The following RAPGEF2 variants were observed in gnomAD, a reference collection of about 807,000 sequenced individuals.
RAPGEF2 encodes the protein Rap guanine nucleotide exchange factor 2.
RAPGEF2 carries 54 observed loss-of-function variants against 186.7 expected under a neutral mutation model. That is an observed-to-expected ratio of 0.29 (90% CI 0.23 to 0.36). RAPGEF2 has a LOEUF of 0.36. Among genes scored for constraint, RAPGEF2 ranks in the 10% least tolerant of loss-of-function variants. The pLI, the probability that RAPGEF2 is intolerant of heterozygous loss-of-function variation, is 1.00. For synonymous variants in RAPGEF2, 712 were observed against 705.9 expected (o/e 1.01, Z -0.14); for missense variants, 1,532 against 2,045.0 (o/e 0.75, Z 4.84).
At chr4:159,330,051 T>C (rs1248447122) in intron 12 of RAPGEF2, 41 bp downstream of exon 12, 1 of 1,573,248 alleles carries the variant, frequency 6.4e-7, no homozygotes, top group Non-Finnish European at 8.6e-7. Flanking sequence ...AAGGAATTTT[T>C]TTTGGTAGTA....
chr4:159,289,321 G>C (rs1216268296), intron 7 of RAPGEF2, among the ~76,000 whole-genome samples: 4 of 152,152 alleles, frequency 2.6e-5, no homozygotes, highest in African/African-American at 4.8e-5. Flanking sequence ...TCTATGATAG[G>C]AAGTTAAAAA....
intron 7 of RAPGEF2, among the ~76,000 whole-genome samples, chr4:159,297,681 G>A (rs1579823113): frequency 6.6e-6 from 1 of 152,146 alleles, no homozygotes; most frequent in East Asian, 1.9e-4. Flanking sequence ...GGTAGTTTTA[G>A]GTATGACAGT....
At chr4:159,343,627 C>G (rs930531281) in intron 22 of RAPGEF2, among the ~76,000 whole-genome samples, 2 of 152,184 alleles carry the variant, frequency 1.3e-5, no homozygotes, top group Non-Finnish European at 2.9e-5. Context: ...GTCTTTCAGA[C>G]ATTTTCAATG....
chr4:159,109,949 A>C (rs1004595392), intron 1 of RAPGEF2, among the ~76,000 whole-genome samples: 1 of 152,180 alleles, frequency 6.6e-6, no homozygotes, highest in African/African-American at 2.4e-5. Context: ...AGTTCTGTTA[A>C]AGACTGATGT....
At chr4:159,211,698 G>A (rs1192953366) in intron 4 of RAPGEF2, among the ~76,000 whole-genome samples, 1 of 152,240 alleles carries the variant, frequency 6.6e-6, no homozygotes, top group Non-Finnish European at 1.5e-5. Context: ...CAGAATGCTA[G>A]TGAAGGAGTG....
intron 8 of RAPGEF2, among the ~76,000 whole-genome samples, chr4:159,310,041 A>T: frequency 6.9e-6 from 1 of 144,846 alleles, no homozygotes; most frequent in Non-Finnish European, 1.5e-5. Context: ...AAGAAGATTT[A>T]AAGTCAGAAT....
At position 159,238,891 on chromosome 4, in the gene RAPGEF2, G is replaced by C; in HGVS notation, c.357+7G>C. On this transcript the variant is annotated splice_region_variant and intron_variant, in intron 5 of 29. Coordinates refer to ENST00000691494, the MANE Select transcript of RAPGEF2 (RefSeq NM_001394067.2). ...GCCTTCTGAAATGATTGTGGTAAGAGTATTTCTGTGAGGACTATTTTTCCC... is the reference window on the plus strand; with the variant it reads ...GCCTTCTGAAATGATTGTGGTAAGACTATTTCTGTGAGGACTATTTTTCCC... The C allele has an allele frequency of 6.8e-7, 1 of 1,481,248 alleles. No homozygotes were observed. The highest frequency in any genetic ancestry group is 8.9e-7 in the Non-Finnish European group (1 of 1,124,550). 91.8% of individuals were successfully genotyped at this position (1,481,248 alleles called of 1,614,324 possible).
At chr4:159,228,507 A>C (rs1201254987) in intron 4 of RAPGEF2, 1 of 152,100 alleles carries the variant, frequency 6.6e-6, no homozygotes, top group Non-Finnish European at 1.5e-5. Flanking sequence ...TTTATCTTGT[A>C]CTCTATTTTT....
intron 1 of RAPGEF2, among the ~76,000 whole-genome samples, chr4:159,142,714 G>GT (rs1742488198): frequency 1.3e-5 from 2 of 152,076 alleles, no homozygotes; most frequent in South Asian, 2.1e-4. Context: ...GAATGCAATG[G>GT]TTTTTTAAAA....
chr4:159,228,973 T>C (rs190415433), intron 4 of RAPGEF2, among the ~76,000 whole-genome samples: 54 of 152,330 alleles, frequency 3.5e-4, no homozygotes, highest in Middle Eastern at 6.8e-3. Flanking sequence ...TAATTGCCAC[T>C]CTGCTGTCTG....
chr4:159,104,517 A>AGAGAGAGAGAGAGAGAGG (rs1737600058), intron 1 of RAPGEF2, among the ~76,000 whole-genome samples: 3 of 130,512 alleles, frequency 2.3e-5, no homozygotes, highest in African/African-American at 3.3e-5. Context: ...AGAGAGAGAG[A>AGAGAGAGAGAGAGAGAGG]GAGAGAGAGG....
At chr4:159,131,689 G>A (rs1390111272) in intron 1 of RAPGEF2, among the ~76,000 whole-genome samples, 10 of 151,742 alleles carry the variant, frequency 6.6e-5, no homozygotes, top group Admixed American at 3.9e-4. Context: ...CTTGATTAAC[G>A]TCTTTCGCGT....
chr4:159,273,490 CT>C (rs11331422), intron 7 of RAPGEF2, among the ~76,000 whole-genome samples: 14,179 of 152,058 alleles, frequency 0.093, 753 homozygotes, highest in Admixed American at 0.16. Context: ...ATTAAAAAAT[CT>C]GTTGGAAAAT....
At chr4:159,165,761 T>G (rs550279987) in intron 1 of RAPGEF2, among the ~76,000 whole-genome samples, 1 of 152,028 alleles carries the variant, frequency 6.6e-6, no homozygotes, top group East Asian at 1.9e-4. Context: ...CCCAGCTAAT[T>G]TGTTTAGTTT....
At chr4:159,143,565 T>C (rs1000338307) in intron 1 of RAPGEF2, among the ~76,000 whole-genome samples, 7 of 152,224 alleles carry the variant, frequency 4.6e-5, no homozygotes, top group African/African-American at 1.4e-4. Flanking sequence ...CCATGTGATA[T>C]AATGTAGTTT....
intron 1 of RAPGEF2, among the ~76,000 whole-genome samples, chr4:159,131,519 A>AGTGG: frequency 2.7e-5 from 1 of 37,188 alleles, no homozygotes; most frequent in African/African-American, 1.2e-4. Context: ...ATTAATTGCT[A>AGTGG]TTTTTTTTTT....
At chr4:159,248,859 C>G (rs913747635) in intron 7 of RAPGEF2, among the ~76,000 whole-genome samples, 6 of 152,198 alleles carry the variant, frequency 3.9e-5, no homozygotes, top group African/African-American at 1.4e-4. Flanking sequence ...ACCCAAGTTT[C>G]AGCTTCTGTT....
chr4:159,180,453 A>T (rs569263485), intron 1 of RAPGEF2, among the ~76,000 whole-genome samples: 107 of 152,298 alleles, frequency 7.0e-4, no homozygotes, highest in African/African-American at 2.6e-3. Context: ...TCAAGTTTAC[A>T]TGGAGTCTAT....
rs764699338 is a variant in RAPGEF2 at position 159,350,319 on chromosome 4, T to C, written c.3865+30T>C. 23 of 1,488,646 alleles carry C rather than the reference T, an allele frequency of 1.5e-5. No individual in the cohort carries two copies. The South Asian group carries it at 2.9e-4, about 19-fold the overall frequency. 92.2% of individuals were successfully genotyped at this position (1,488,646 alleles called of 1,614,324 possible). A position where few individuals can be genotyped will look rare whatever the true frequency, so the allele number is the denominator to read the frequency against. The stretch of plus-strand genomic sequence containing the variant: ...AATTAAATTACTTTTTGTTTTCTTG[T>C]ATTGAAACCTATACATTTTGGCTAT... On this transcript the variant is annotated intron_variant, in intron 26 of 29. Transcript: ENST00000691494.
Sources: gnomAD v4.1 joint callset for allele counts (sites outside exome capture counted in the v4.1 genomes callset) on GRCh38, gnomAD v4.1.1 for gene constraint, MANE v1.5 for transcripts, NCBI Gene and HGNC (gene_info 2026-07-23, HGNC 2026-07-21) for gene names.